The following PNMA1 variants were observed in gnomAD, a reference collection of about 807,000 sequenced individuals.
PNMA1 encodes the protein PNMA family member 1, also known as paraneoplastic antigen Ma1.
PNMA1 carries 21 observed loss-of-function variants against 26.1 expected under a neutral mutation model. The ratio of observed to expected loss-of-function variants is 0.80; its 90% CI spans 0.57 to 1.16. PNMA1 has a LOEUF of 1.16. Ranked by LOEUF, PNMA1 falls within the 50% of genes most tolerant of loss-of-function variation. PNMA1 has a pLI of 0.00. For synonymous variants in PNMA1, 189 were observed against 177.3 expected (o/e 1.07, Z -0.52); for missense variants, 435 against 437.3 (o/e 0.99, Z 0.05).
chr14:73,712,602 C>G lies in PNMA1; in HGVS notation c.1038G>C (p.Gln346His), dbSNP rs1430518942. The change falls in exon 1 of 1, where the codon CAG becomes CAC. Residue 346 changes from glutamine (Q) to histidine (H), a missense_variant. Coordinates refer to ENST00000316836, the MANE Select transcript of PNMA1 (RefSeq NM_006029.5). ...EEEEAEATLL[Q>H]LGLEGHF ...CTCAGAAGTGCCCTTCCAGGCCTAACTGCAGAAGGGTGGCCTCAGCCTCCT... is the reference window on the plus strand; with the variant it reads ...CTCAGAAGTGCCCTTCCAGGCCTAAGTGCAGAAGGGTGGCCTCAGCCTCCT... 3.1e-6 allele frequency: 5 copies of G among 1,608,374 alleles called. No homozygotes were observed. Among genetic ancestry groups the G allele is most frequent in the Non-Finnish European group, 4.2e-6 (5 of 1,177,270 alleles).
Position 73,712,811 on chromosome 14 carries a change from C to A in PNMA1, c.829G>T (p.Glu277Ter). 1 of 1,614,126 alleles carries A rather than the reference C, an allele frequency of 6.2e-7. No individual in the cohort carries two copies. The highest frequency in any genetic ancestry group is 8.5e-7 in the Non-Finnish European group (1 of 1,180,040). The change falls in exon 1 of 1, where the codon GAG becomes TAG. Residue 277 changes from glutamate (E) to a stop codon, truncating the protein, a stop_gained. Transcript: ENST00000316836. LOFTEE classifies it high-confidence loss of function. ...TTATCTTTATCAATGGCCCCCTTCT[C>A]TACCACCTTCTGTAGCAGAGGCTCC... ...RLEPLLQKVVEKGAIDKDNVN... is the reference protein window; with the variant it reads ...RLEPLLQKVV
Position 73,712,622 on chromosome 14 carries a change from C to T in PNMA1, c.1018G>A (p.Ala340Thr), listed in dbSNP as rs779762720. The change falls in exon 1 of 1, where the codon GCT becomes ACT. Residue 340 changes from alanine to threonine, a missense_variant. Ala to Thr is a moderately conservative substitution (Grantham distance 58). Transcript: ENST00000316836. ...CCTAACTGCAGAAGGGTGGCCTCAG[C>T]CTCCTCCTCCTCCTCCTTGGCTTCC... ...EEEAKEEEEE[A>T]EATLLQLGLE... 2 of 1,590,030 alleles carry T rather than the reference C, an allele frequency of 1.3e-6. No homozygotes were observed. The highest frequency in any genetic ancestry group is 8.6e-7 in the Non-Finnish European group (1 of 1,164,862).
chr14:73,713,723 C>A lies in PNMA1; in HGVS notation c.-84G>T. 7.5e-7 allele frequency: 1 copy of A among 1,331,098 alleles called. No individual in the cohort carries two copies. Among genetic ancestry groups the A allele is most frequent in the Non-Finnish European group, 1.0e-6 (1 of 962,082 alleles). The allele number at this position is 1,331,098 out of a possible 1,614,324, so 82.5% of individuals were successfully genotyped here. On this transcript the variant is annotated 5_prime_UTR_variant, in exon 1 of 1. Transcript: ENST00000316836. Reference sequence around the variant, plus strand: ...GCCTTAGAACAATACCAGACACTCCCACCAAGTAGGCCCGAGGGAGGCGAC... The same window carrying A: ...GCCTTAGAACAATACCAGACACTCCAACCAAGTAGGCCCGAGGGAGGCGAC...
rs1460318358 is a variant in PNMA1 at position 73,713,860 on chromosome 14, C to T, written c.-221G>A. On this transcript the variant is annotated 5_prime_UTR_variant, in exon 1 of 1. The change creates a new upstream start codon in the 5' untranslated region. Coordinates refer to ENST00000316836, the MANE Select transcript of PNMA1 (RefSeq NM_006029.5). The stretch of plus-strand genomic sequence containing the variant: ...GAGCTCGGGGACGCTGAGGCAGTCA[C>T]GCGGCCGTCGCCATCTTGCGTCTGG... 2 of 453,008 alleles carry T rather than the reference C, an allele frequency of 4.4e-6. No homozygotes were observed. Among genetic ancestry groups the T allele is most frequent in the South Asian group, 5.4e-5 (1 of 18,474 alleles). 28.1% of individuals were successfully genotyped at this position (453,008 alleles called of 1,614,324 possible).
rs1287794822 is a variant in PNMA1, at chr14:73,712,272, G to A, written c.*306C>T. On this transcript the variant is annotated 3_prime_UTR_variant, in exon 1 of 1. Transcript: ENST00000316836. Reference sequence around the variant, plus strand: ...GTGGAATAAGAAGTGTCATAGGTTCGCGTGTTTTTCACAACTGATTATGAT... The same window carrying A: ...GTGGAATAAGAAGTGTCATAGGTTCACGTGTTTTTCACAACTGATTATGAT... 5 of 322,880 alleles carry A rather than the reference G, an allele frequency of 1.5e-5. No individual in the cohort carries two copies. The allele number at this position is 322,880 out of a possible 1,614,324, so 20.0% of individuals were successfully genotyped here. A position where few individuals can be genotyped will look rare whatever the true frequency, so the allele number is the denominator to read the frequency against.
chr14:73,713,118 C>T lies in PNMA1; in HGVS notation c.522G>A (p.Glu174=), dbSNP rs1055708818. Residue 174 remains glutamate, a synonymous_variant, in exon 1 of 1, where the codon GAG becomes GAA. Transcript: ENST00000316836. Reference sequence around the variant, plus strand: ...GCTCCAGCCAGGGATCAAAGGTTTCCTCTCCAGGCCCTGGGATGTCCCTCC... The same window carrying T: ...GCTCCAGCCAGGGATCAAAGGTTTCTTCTCCAGGCCCTGGGATGTCCCTCC... ...FSGRDIPGPG[E]ETFDPWLEHT... is the part of the protein sequence containing the mutation. The T allele has an allele frequency of 1.9e-6, 3 of 1,612,482 alleles. No homozygotes were observed. The highest frequency in any genetic ancestry group is 4.5e-5 in the East Asian group (2 of 44,848).
Position 73,711,851 on chromosome 14 carries a change from A to G in PNMA1, c.*727T>C, listed in dbSNP as rs1327193067. ...AGAACACTCAGTATGAACAAGAACT[A>G]TTCTCTGACAAAGATGTGAAATGGG... On this transcript the variant is annotated 3_prime_UTR_variant, in exon 1 of 1. Coordinates refer to ENST00000316836, the MANE Select transcript of PNMA1 (RefSeq NM_006029.5). 6.6e-6 allele frequency: 1 copy of G among 152,250 alleles called. No homozygotes were observed. The highest frequency in any genetic ancestry group is 6.5e-5 in the Admixed American group (1 of 15,286). The allele number at this position is 152,250 out of a possible 1,614,324, so 9.4% of individuals were successfully genotyped here. A position where few individuals can be genotyped will look rare whatever the true frequency, so the allele number is the denominator to read the frequency against.
At position 73,712,907 on chromosome 14, in the gene PNMA1, C is replaced by T; in HGVS notation, c.733G>A (p.Asp245Asn). Residue 245 changes from aspartate (D) to asparagine (N), a missense_variant, in exon 1 of 1, where the codon GAT (aspartate) becomes AAT (asparagine). Asp to Asn is a conservative substitution (Grantham distance 23). Transcript: ENST00000316836. ...QVFGSVESSRDAQIKFLNTYQ... is the reference protein window; with the variant it reads ...QVFGSVESSRNAQIKFLNTYQ... ...GTGTTCAGAAATTTGATCTGGGCAT[C>T]CCTAGAGCTCTCAACGCTCCCAAAC... 1 of 1,614,196 alleles carries T rather than the reference C, an allele frequency of 6.2e-7. No individual in the cohort carries two copies. Among genetic ancestry groups the T allele is most frequent in the African/African-American group, 1.3e-5 (1 of 75,064 alleles).
Position 73,713,971 on chromosome 14 carries a change from C to T in PNMA1, c.-332G>A. On this transcript the variant is annotated 5_prime_UTR_variant, in exon 1 of 1. Coordinates refer to ENST00000316836, the MANE Select transcript of PNMA1 (RefSeq NM_006029.5). The stretch of plus-strand genomic sequence containing the variant: ...GAGGAGCGACGGCGGGCGGCGAAGG[C>T]AGGCGCGCTGGGCCGAGAGCCGCCG... The T allele has an allele frequency of 4.7e-6, 1 of 212,958 alleles. No individual in the cohort carries two copies. The highest frequency in any genetic ancestry group is 1.1e-4 in the East Asian group (1 of 8,962). 13.2% of individuals were successfully genotyped at this position (212,958 alleles called of 1,614,324 possible). A position where few individuals can be genotyped will look rare whatever the true frequency, so the allele number is the denominator to read the frequency against.
rs8949 is a variant in PNMA1, at chr14:73,712,026, G to T, written c.*552C>A. 0.1 allele frequency: 15,768 copies of T among 152,520 alleles called. 849 individuals are homozygous for T. The highest frequency in any genetic ancestry group is 0.17 in the East Asian group (903 of 5,178). 9.4% of individuals were successfully genotyped at this position (152,520 alleles called of 1,614,324 possible). A position where few individuals can be genotyped will look rare whatever the true frequency, so the allele number is the denominator to read the frequency against. ...TCTCAGAATACTTTTCAATTAAACT[G>T]GTCGACATGTTTAAAGATGAGAAAT... is the stretch of plus-strand genomic sequence containing the variant. On this transcript the variant is annotated 3_prime_UTR_variant, in exon 1 of 1. Transcript: ENST00000316836.
rs2052826250 is a variant in PNMA1, at chr14:73,712,453, T to A, written c.*125A>T. 1 of 723,208 alleles carries A rather than the reference T, an allele frequency of 1.4e-6. No homozygotes were observed. The highest frequency in any genetic ancestry group is 2.5e-5 in the East Asian group (1 of 40,252). The allele number at this position is 723,208 out of a possible 1,614,324, so 44.8% of individuals were successfully genotyped here. A position where few individuals can be genotyped will look rare whatever the true frequency, so the allele number is the denominator to read the frequency against. The stretch of plus-strand genomic sequence containing the variant: ...TACTCAGGCCTGACTAACCTTCCCC[T>A]CCAAAAAACAACAAAACAGAACAAG... On this transcript the variant is annotated 3_prime_UTR_variant, in exon 1 of 1. Coordinates refer to ENST00000316836, the MANE Select transcript of PNMA1 (RefSeq NM_006029.5).
rs2052825985 is a variant in PNMA1, at chr14:73,712,436, C to T, written c.*142G>A. The stretch of plus-strand genomic sequence containing the variant: ...TTAGAATGTTACATGAATACTCAGG[C>T]CTGACTAACCTTCCCCTCCAAAAAA... On this transcript the variant is annotated 3_prime_UTR_variant, in exon 1 of 1. Coordinates refer to ENST00000316836, the MANE Select transcript of PNMA1 (RefSeq NM_006029.5). 7.5e-6 allele frequency: 5 copies of T among 666,966 alleles called. No homozygotes were observed. Among genetic ancestry groups the T allele is most frequent in the Non-Finnish European group, 1.0e-5 (4 of 382,214 alleles). The allele number at this position is 666,966 out of a possible 1,614,324, so 41.3% of individuals were successfully genotyped here. A position where few individuals can be genotyped will look rare whatever the true frequency, so the allele number is the denominator to read the frequency against.
Position 73,712,391 on chromosome 14 carries a change from C to A in PNMA1, c.*187G>T, listed in dbSNP as rs1372436553. On this transcript the variant is annotated 3_prime_UTR_variant, in exon 1 of 1. Coordinates refer to ENST00000316836, the MANE Select transcript of PNMA1 (RefSeq NM_006029.5). ...GACCCGCTTGCATTGCAGTCGTTCA[C>A]GGTGCTCGCTGGCACAATTTTAGAA... The A allele has an allele frequency of 5.4e-6, 3 of 551,696 alleles. No individual in the cohort carries two copies. The highest frequency in any genetic ancestry group is 3.3e-5 in the South Asian group (1 of 30,734). The allele number at this position is 551,696 out of a possible 1,614,324, so 34.2% of individuals were successfully genotyped here.
Position 73,713,017 on chromosome 14 carries a change from C to T in PNMA1, c.623G>A (p.Gly208Asp), listed in dbSNP as rs1595241107. The part of the protein sequence containing the change: ...KRRRLMESLR[G>D]PAADVIRILK... ...GATGCGAATAACATCAGCGGCGGGG[C>T]CTCTAAGACTCTCCATCAACCGCCG... The change falls in exon 1 of 1, where the codon GGC becomes GAC. Residue 208 changes from glycine to aspartate, a missense_variant. By Grantham distance (94) the Gly-to-Asp change is moderately conservative. Coordinates refer to ENST00000316836, the MANE Select transcript of PNMA1 (RefSeq NM_006029.5). 6.2e-7 allele frequency: 1 copy of T among 1,613,706 alleles called. No homozygotes were observed. Among genetic ancestry groups the T allele is most frequent in the South Asian group, 1.1e-5 (1 of 91,072 alleles).
rs2052840052 is a variant in PNMA1 at position 73,713,491 on chromosome 14, A to G, written c.149T>C (p.Met50Thr). The G allele has an allele frequency of 6.2e-7, 1 of 1,614,190 alleles. No individual in the cohort carries two copies. The highest frequency in any genetic ancestry group is 8.5e-7 in the Non-Finnish European group (1 of 1,180,028). ...QAAMPQVSYR[M>T]LGRMFWREEN... ...TTCCCTCCAGAACATTCTCCCAAGCATTCGGTAGGAGACCTGGGGCATCGC... is the reference window on the plus strand; with the variant it reads ...TTCCCTCCAGAACATTCTCCCAAGCGTTCGGTAGGAGACCTGGGGCATCGC... The change falls in exon 1 of 1, where the codon ATG becomes ACG. Residue 50 changes from methionine (M) to threonine (T), a missense_variant. Coordinates refer to ENST00000316836, the MANE Select transcript of PNMA1 (RefSeq NM_006029.5).
In PNMA1 at chr14:73,713,604, C is replaced by T. The variant is rs958355873; in HGVS notation, c.36G>A (p.Gly12=). 36 of 1,609,408 alleles carry T rather than the reference C, an allele frequency of 2.2e-5. No individual in the cohort carries two copies. Among genetic ancestry groups the T allele is most frequent in the Non-Finnish European group, 2.7e-5 (32 of 1,177,408 alleles). The part of the protein sequence containing the change: ...AMTLLEDWCR[G]MDVNSQRALL... ...GAGCTCTCTGGGAGTTCACATCCAT[C>T]CCCCGGCACCAGTCTTCCAACAGTG... is the stretch of plus-strand genomic sequence containing the variant. Residue 12 remains glycine, a synonymous_variant, in exon 1 of 1, where the codon GGG becomes GGA. Transcript: ENST00000316836.
rs56867263 is a variant in PNMA1, at chr14:73,714,228, C to G, written c.-589G>C. 1 of 167,136 alleles carries G rather than the reference C, an allele frequency of 6.0e-6. No individual in the cohort carries two copies. Among genetic ancestry groups the G allele is most frequent in the Admixed American group, 6.5e-5 (1 of 15,282 alleles). 10.4% of individuals were successfully genotyped at this position (167,136 alleles called of 1,614,324 possible). The stretch of plus-strand genomic sequence containing the variant: ...GGCGAGGACGGCCGAGGACCAGAAA[C>G]GAAGGCAGCAGAGGAGCAGGAAAGT... On this transcript the variant is annotated 5_prime_UTR_variant, in exon 1 of 1. Coordinates refer to ENST00000316836, the MANE Select transcript of PNMA1 (RefSeq NM_006029.5).
chr14:73,714,383 C>G lies in PNMA1; in HGVS notation c.-744G>C, dbSNP rs550392617. On this transcript the variant is annotated 5_prime_UTR_variant, in exon 1 of 1. Transcript: ENST00000316836. ...CCCGCAACCCGCCGCGACGTTACTG[C>G]TGCAGTGGAGGATGGGGCCAGCCGG... 1 of 160,284 alleles carries G rather than the reference C, an allele frequency of 6.2e-6. No homozygotes were observed. The highest frequency in any genetic ancestry group is 2.4e-5 in the African/African-American group (1 of 41,496). The allele number at this position is 160,284 out of a possible 1,614,324, so 9.9% of individuals were successfully genotyped here.
chr14:73,713,370 C>G lies in PNMA1; in HGVS notation c.270G>C (p.Val90=). 2.5e-6 allele frequency: 4 copies of G among 1,614,168 alleles called. No individual in the cohort carries two copies. Among genetic ancestry groups the G allele is most frequent in the Non-Finnish European group, 3.4e-6 (4 of 1,180,034 alleles). ...EMPGKGGVWK[V]LFKPPTSDAE... ...CATCAGAAGTTGGGGGCTTAAATAA[C>G]ACTTTCCAGACCCCTCCTTTGCCCG... Residue 90 remains valine (V), a synonymous_variant, in exon 1 of 1, where the codon GTG becomes GTC. Transcript: ENST00000316836.
Sources: allele counts gnomAD v4.1 joint callset, GRCh38; gene constraint gnomAD v4.1.1; transcripts MANE v1.5; gene names NCBI Gene and HGNC (gene_info 2026-07-23, HGNC 2026-07-21).